The following KDM5B variants were observed in gnomAD, a reference collection of about 807,000 sequenced individuals.
KDM5B encodes lysine demethylase 5B, also known as lysine-specific demethylase 5B.
In KDM5B, 144 loss-of-function variants were observed where a neutral mutation model predicts 193.4. The ratio of observed to expected loss-of-function variants is 0.74; its 90% CI spans 0.65 to 0.86. The LOEUF is 0.86. Ranked by LOEUF, KDM5B falls within the 40% of genes least tolerant of loss-of-function variation. The probability of loss-of-function intolerance (pLI) is 0.00; values close to 1 mark genes in which losing one functional copy is unlikely to be tolerated. For synonymous variants in KDM5B, 668 were observed against 682.6 expected (o/e 0.98, Z 0.33); for missense variants, 1,833 against 1,886.9 (o/e 0.97, Z 0.53).
chr1:202,758,591 AAAC>A, intron 8 of KDM5B, 81 bp from the exon 9 acceptor site: 1 of 1,210,038 alleles, frequency 8.3e-7, no homozygotes, highest in Non-Finnish European at 1.1e-6. Context: ...GGCAGATAAA[AAAC>A]AAGGCTTTAA....
At chr1:202,763,303 G>A (rs144713226) in intron 6 of KDM5B, among the ~76,000 whole-genome samples, 1 of 152,286 alleles carries the variant, frequency 6.6e-6, no homozygotes, top group African/African-American at 2.4e-5. Context: ...TCATGTGGTA[G>A]GCATTGTGCT....
At chr1:202,790,203 C>A (rs376162991) in intron 1 of KDM5B, among the ~76,000 whole-genome samples, 16 of 151,260 alleles carry the variant, frequency 1.1e-4, no homozygotes, top group African/African-American at 3.9e-4. Flanking sequence ...GTAAAGGTTG[C>A]GGTAAGCCGA....
At chr1:202,735,734 T>C in intron 21 of KDM5B, 147 bp from the exon 22 acceptor site, 1 of 643,120 alleles carries the variant, frequency 1.6e-6, no homozygotes, top group South Asian at 2.2e-5. Context: ...ACCCTGAGGC[T>C]CTCCTTTACA....
At chr1:202,781,508 T>TA (rs1572761753) in intron 1 of KDM5B, among the ~76,000 whole-genome samples, 1 of 152,200 alleles carries the variant, frequency 6.6e-6, no homozygotes, top group Non-Finnish European at 1.5e-5. Context: ...TTGTTAAAGT[T>TA]AAAAAATACC....
intron 7 of KDM5B, among the ~76,000 whole-genome samples, chr1:202,761,231 A>C (rs959558778): frequency 1.2e-4 from 18 of 152,220 alleles, no homozygotes; most frequent in South Asian, 4.1e-4. Context: ...TGAAGCCAGG[A>C]GTTTGAGACC....
chr1:202,792,508 G>A (rs998626345), intron 1 of KDM5B, among the ~76,000 whole-genome samples: 1 of 152,134 alleles, frequency 6.6e-6, no homozygotes, highest in Non-Finnish European at 1.5e-5. Flanking sequence ...TGGAGTTGAT[G>A]AGCCAGGAGT....
rs774557336 is a variant in KDM5B at position 202,729,878 on chromosome 1, G to A, written c.4326C>T (p.His1442=). ...ACTTGAAATTGTTCATGTCCTTGGG[G>A]TGGCTCAGTTTGATTTTCTTCTTTT... The part of the protein sequence containing the change: ...TPKKKKIKLS[H]PKDMNNFKLE... The change falls in exon 26 of 27, where the codon CAC becomes CAT. Residue 1442 remains histidine, a synonymous_variant. Transcript: ENST00000367265. 2.5e-6 allele frequency: 4 copies of A among 1,613,992 alleles called. No homozygotes were observed. The African/African-American group carries it at 4.0e-5, about 16-fold the overall frequency.
chr1:202,799,924 T>A (rs1658005586), intron 1 of KDM5B, among the ~76,000 whole-genome samples: 1 of 152,218 alleles, frequency 6.6e-6, no homozygotes, highest in South Asian at 2.1e-4. Flanking sequence ...TTAAGGGACA[T>A]TAATAGAAAA....
chr1:202,784,458 T>C (rs1184742753), intron 1 of KDM5B, among the ~76,000 whole-genome samples: 2 of 152,184 alleles, frequency 1.3e-5, no homozygotes, highest in Non-Finnish European at 2.9e-5. Flanking sequence ...TTAGCAAATC[T>C]TTCAGGTGAG....
chr1:202,738,357 C>A (rs1655174156), intron 20 of KDM5B, among the ~76,000 whole-genome samples: 1 of 152,182 alleles, frequency 6.6e-6, no homozygotes, highest in South Asian at 2.1e-4. Context: ...AAAAGGAGGA[C>A]CATAACTAAA....
At position 202,769,888 on chromosome 1, in the gene KDM5B, G is replaced by A. The variant is rs186126108; in HGVS notation, c.577-2828C>T. 2.6e-5 allele frequency among the ~76,000 whole-genome samples: 4 copies of A among 152,126 alleles called. No individual in the cohort carries two copies. The East Asian group carries it at 7.7e-4, about 29-fold the overall frequency. ...AATTAATCCCCTTTATGTATCCAAT[G>A]TACTTTCTATTTGACACACAAAAGT... On this transcript the variant is annotated intron_variant, in intron 4 of 26. Transcript: ENST00000367265.
At chr1:202,799,665 A>AC (rs1395922516) in intron 1 of KDM5B, among the ~76,000 whole-genome samples, 3 of 152,068 alleles carry the variant, frequency 2.0e-5, no homozygotes, top group Non-Finnish European at 4.4e-5. Flanking sequence ...CTCAAAAAAA[A>AC]AAAAAGTAAT....
At chr1:202,768,396 C>T (rs1282551886) in intron 4 of KDM5B, among the ~76,000 whole-genome samples, 1 of 152,052 alleles carries the variant, frequency 6.6e-6, no homozygotes, top group Admixed American at 6.5e-5. Context: ...GAATGAGATA[C>T]GTGGAAATAA....
intron 13 of KDM5B, among the ~76,000 whole-genome samples, chr1:202,750,377 C>A (rs892856732): frequency 1.3e-4 from 20 of 152,250 alleles, no homozygotes; most frequent in Admixed American, 1.3e-3. Context: ...CTCCTGGGTT[C>A]AAGTGATTCT....
chr1:202,800,386 G>C (rs1303946783), intron 1 of KDM5B, among the ~76,000 whole-genome samples: 2 of 151,912 alleles, frequency 1.3e-5, no homozygotes, highest in Non-Finnish European at 2.9e-5. Flanking sequence ...TGTTGCCCAG[G>C]CTGGAGTGCA....
chr1:202,744,790 T>C (rs928603352), intron 16 of KDM5B, among the ~76,000 whole-genome samples: 2 of 152,214 alleles, frequency 1.3e-5, no homozygotes, highest in East Asian at 1.9e-4. Flanking sequence ...AGCAATGCCA[T>C]TACTGGGTAT....
At chr1:202,755,566 G>A in intron 10 of KDM5B, 114 bp from the exon 11 acceptor site, 2 of 826,568 alleles carry the variant, frequency 2.4e-6, no homozygotes, top group Non-Finnish European at 3.7e-6. Context: ...GGAAGAGGAG[G>A]GGCCACCATG....
At chr1:202,765,891 G>C (rs1207012003) in intron 5 of KDM5B, among the ~76,000 whole-genome samples, 3 of 152,030 alleles carry the variant, frequency 2.0e-5, no homozygotes, top group African/African-American at 7.2e-5. Context: ...CATCAGGCTA[G>C]GCAGGAATCC....
chr1:202,750,717 C>G lies in KDM5B; in HGVS notation c.1763G>C (p.Ser588Thr). ...FVITFPRAYH[S>T]GFNQGFNFAE... ...AAAATTAAAACCCTGGTTAAAACCA[C>G]TGTGGTAGGCTCTTGGAAATGTAAT... Residue 588 changes from serine to threonine, a missense_variant, in exon 13 of 27, where the codon AGT becomes ACT. Transcript: ENST00000367265. 6.2e-7 allele frequency: 1 copy of G among 1,613,900 alleles called. No homozygotes were observed. The highest frequency in any genetic ancestry group is 1.1e-5 in the South Asian group (1 of 91,086).
Sources: gnomAD v4.1 joint callset for allele counts (sites outside exome capture counted in the v4.1 genomes callset) on GRCh38, gnomAD v4.1.1 for gene constraint, MANE v1.5 for transcripts, NCBI Gene and HGNC (gene_info 2026-07-23, HGNC 2026-07-21) for gene names.